CTNNA3: variants seen among roughly 807,000 people sequenced by gnomAD.
The protein encoded by CTNNA3 is catenin alpha-3.
In CTNNA3, 76 loss-of-function variants were observed where a neutral mutation model predicts 95.7. The observed-to-expected ratio is 0.79, with a 90% CI of 0.66 to 0.96. The LOEUF (loss-of-function observed/expected upper bound fraction) is 0.96, where lower values mean the gene tolerates loss of function less well. Ranked by LOEUF, CTNNA3 falls within the 40% of genes least tolerant of loss-of-function variation. The pLI is 0.00. For synonymous variants in CTNNA3, 431 were observed against 374.4 expected, an observed-to-expected ratio of 1.15 and a Z score of -1.74; for missense variants, 1,191 against 1,089.8, an observed-to-expected ratio of 1.09 and a Z score of -1.31.
intron 5 of CTNNA3, among the ~76,000 whole-genome samples, chr10:67,501,295 C>G (rs990392109): frequency 4.6e-5 from 7 of 152,190 alleles, no homozygotes; most frequent in Non-Finnish European, 1.0e-4. Context: ...TTGGCCCCCA[C>G]TCTCTTCTGG....
At chr10:67,757,268 A>G (rs1185060730) in intron 1 of CTNNA3, among the ~76,000 whole-genome samples, 1 of 152,236 alleles carries the variant, frequency 6.6e-6, no homozygotes, top group Non-Finnish European at 1.5e-5. Context: ...ATTTAAAGGC[A>G]TGGGCATAGA....
intron 10 of CTNNA3, among the ~76,000 whole-genome samples, chr10:66,542,456 A>G (rs1169712284): frequency 6.6e-6 from 1 of 152,158 alleles, no homozygotes; most frequent in Non-Finnish European, 1.5e-5. Flanking sequence ...TTATTGTGGC[A>G]CTACTCACAA....
Position 66,379,270 on chromosome 10 carries a change from A to T in CTNNA3, c.1614T>A (p.Gly538=), listed in dbSNP as rs2092818203. The T allele has an allele frequency of 6.2e-7, 1 of 1,613,986 alleles. No individual in the cohort carries two copies. Among genetic ancestry groups the T allele is most frequent in the African/African-American group, 1.3e-5 (1 of 74,926 alleles). ...CTCTTGCTGCCCGGCCTCTGATAGCACCCGCAGCACGGTCTAAATTATCAG... is the reference window on the plus strand; with the variant it reads ...CTCTTGCTGCCCGGCCTCTGATAGCTCCCGCAGCACGGTCTAAATTATCAG... The part of the protein sequence containing the change: ...QDADNLDRAA[G]AIRGRAARVA... Residue 538 remains glycine, a synonymous_variant, in exon 12 of 18, where the codon GGT becomes GGA. Coordinates refer to ENST00000433211, the MANE Select transcript of CTNNA3 (RefSeq NM_013266.4).
chr10:67,130,215 A>T (rs1223311131), intron 7 of CTNNA3, among the ~76,000 whole-genome samples: 1 of 152,004 alleles, frequency 6.6e-6, no homozygotes, highest in Non-Finnish European at 1.5e-5. Context: ...ATCTTTCTAA[A>T]ACCTGACCAG....
At chr10:66,824,107 G>A (rs1200963943) in intron 7 of CTNNA3, among the ~76,000 whole-genome samples, 1 of 150,050 alleles carries the variant, frequency 6.7e-6, no homozygotes, top group Non-Finnish European at 1.5e-5. Context: ...GAAATGTCAT[G>A]TTAAAGAAAC....
intron 7 of CTNNA3, among the ~76,000 whole-genome samples, chr10:66,905,324 A>G (rs1007056101): frequency 2.0e-5 from 3 of 152,112 alleles, no homozygotes; most frequent in Admixed American, 2.0e-4. Context: ...GAACAATAAG[A>G]ACACATGGAC....
intron 7 of CTNNA3, among the ~76,000 whole-genome samples, chr10:66,910,638 C>A (rs575796841): frequency 6.6e-6 from 1 of 152,288 alleles, no homozygotes; most frequent in East Asian, 1.9e-4. Context: ...GTAAAGCCAA[C>A]TCCATGGCGA....
chr10:67,013,186 C>T (rs773131338), intron 7 of CTNNA3, among the ~76,000 whole-genome samples: 6 of 151,396 alleles, frequency 4.0e-5, no homozygotes, highest in Non-Finnish European at 5.9e-5. Flanking sequence ...GGTGTAAGAA[C>T]CTGACTCAAA....
chr10:67,699,088 T>C (rs561965243), upstream of CTNNA3, among the ~76,000 whole-genome samples: 184 of 152,290 alleles, frequency 1.2e-3, 1 homozygote, highest in South Asian at 8.9e-3. Context: ...GCTGGATCCC[T>C]TCTTCCCTCA....
intron 4 of CTNNA3, among the ~76,000 whole-genome samples, chr10:67,524,905 T>C (rs997952730): frequency 6.6e-6 from 1 of 152,210 alleles, no homozygotes; most frequent in African/African-American, 2.4e-5. Context: ...ATTTTTCTAA[T>C]AGGCCACAAT....
intron 15 of CTNNA3, among the ~76,000 whole-genome samples, chr10:66,036,792 G>T (rs536868054): frequency 6.7e-6 from 1 of 150,208 alleles, no homozygotes; most frequent in Non-Finnish European, 1.5e-5. Context: ...TGTTAAAAGA[G>T]AATTATTTGG....
intron 3 of CTNNA3, among the ~76,000 whole-genome samples, chr10:67,557,954 T>C (rs1216050154): frequency 1.3e-5 from 2 of 152,200 alleles, no homozygotes; most frequent in Non-Finnish European, 2.9e-5. Flanking sequence ...ACCCTATCTC[T>C]CTAAACATGG....
intron 3 of CTNNA3, among the ~76,000 whole-genome samples, chr10:67,564,513 T>C (rs906755094): frequency 2.7e-5 from 3 of 109,750 alleles, no homozygotes; most frequent in Non-Finnish European, 5.6e-5. Context: ...GGAGGGGGGA[T>C]GGATAGCACT....
At chr10:65,993,500 C>T (rs2078585913) in intron 15 of CTNNA3, among the ~76,000 whole-genome samples, 1 of 151,826 alleles carries the variant, frequency 6.6e-6, no homozygotes, top group South Asian at 2.1e-4. Flanking sequence ...ATATAATGAC[C>T]TTCATTGTCT....
intron 15 of CTNNA3, among the ~76,000 whole-genome samples, chr10:66,053,559 T>C (rs535681736): frequency 6.6e-6 from 1 of 152,158 alleles, no homozygotes; most frequent in East Asian, 1.9e-4. Context: ...AGTCACCCTA[T>C]TGTGCTATCA....
At chr10:66,394,451 T>A (rs530423603) in intron 11 of CTNNA3, among the ~76,000 whole-genome samples, 2 of 151,200 alleles carry the variant, frequency 1.3e-5, no homozygotes, top group Admixed American at 1.3e-4. Context: ...CTCTTTTCCA[T>A]CAACTCCTCT....
At chr10:66,935,208 A>T (rs1847627045) in intron 7 of CTNNA3, among the ~76,000 whole-genome samples, 1 of 152,136 alleles carries the variant, frequency 6.6e-6, no homozygotes, top group Non-Finnish European at 1.5e-5. Context: ...TTTAAAGGAA[A>T]CTTGTAGAAT....
intron 7 of CTNNA3, among the ~76,000 whole-genome samples, chr10:67,046,196 T>TG (rs1485297085): frequency 1.3e-5 from 2 of 152,240 alleles, no homozygotes; most frequent in African/African-American, 4.8e-5. Flanking sequence ...ACATAGTTAA[T>TG]GGGGTTTCAA....
intron 11 of CTNNA3, among the ~76,000 whole-genome samples, chr10:66,435,514 C>G (rs916909255): frequency 5.3e-5 from 8 of 152,110 alleles, no homozygotes; most frequent in African/African-American, 1.9e-4. Flanking sequence ...TCTGTGGGAT[C>G]AGTGGTGATA....
Sources: allele counts gnomAD v4.1 joint callset (sites outside exome capture counted in the v4.1 genomes callset), GRCh38; gene constraint gnomAD v4.1.1; transcripts MANE v1.5; gene names NCBI Gene and HGNC (gene_info 2026-07-23, HGNC 2026-07-21).